IMMP2L: variants seen among roughly 807,000 people sequenced by gnomAD.
The protein encoded by IMMP2L is mitochondrial inner membrane protease subunit 2.
Under a neutral mutation model 19.3 loss-of-function variants are expected in IMMP2L, and 18 were observed. The ratio of observed to expected loss-of-function variants is 0.93; its 90% CI spans 0.64 to 1.38. IMMP2L has a LOEUF of 1.38. Ranked by LOEUF, IMMP2L falls within the 40% of genes most tolerant of loss-of-function variation. The probability of loss-of-function intolerance (pLI) is 0.00; values close to 1 mark genes in which losing one functional copy is unlikely to be tolerated. For missense variants in IMMP2L, 233 were observed against 218.2 expected, an observed-to-expected ratio of 1.07 and a Z score of -0.43; for synonymous variants, 76 against 73.0, an observed-to-expected ratio of 1.04 and a Z score of -0.21.
chr7:110,841,106 T>C (rs1805034375), intron 5 of IMMP2L, among the ~76,000 whole-genome samples: 1 of 152,076 alleles, frequency 6.6e-6, no homozygotes, highest in African/African-American at 2.4e-5. Context: ...ATTTAGATTT[T>C]CAAGCCCTAC....
chr7:110,967,120 G>T (rs1819618427), intron 3 of IMMP2L, among the ~76,000 whole-genome samples: 1 of 152,064 alleles, frequency 6.6e-6, no homozygotes, highest in South Asian at 2.1e-4. Flanking sequence ...GAGGAGCCTA[G>T]AATTGTTTCT....
chr7:111,167,109 G>C (rs1805908355), intron 3 of IMMP2L, among the ~76,000 whole-genome samples: 1 of 151,928 alleles, frequency 6.6e-6, no homozygotes, highest in South Asian at 2.1e-4. Flanking sequence ...ACTTGGCAAT[G>C]TTCTACCATT....
rs551968012 is a variant in IMMP2L, at chr7:111,139,397, G to T, written c.240-175832C>A. 3.3e-5 allele frequency among the ~76,000 whole-genome samples: 5 copies of T among 152,130 alleles called. No homozygotes were observed. The East Asian group carries it at 7.7e-4, about 23-fold the overall frequency. ...TACTGCCAGAGACTGGACTAGATTG[G>T]TATTTCTTTTTGTTCAACAAGTATT... On this transcript the variant is annotated intron_variant, in intron 3 of 5. Transcript: ENST00000405709.
At chr7:111,227,935 G>A (rs1255035335) in intron 3 of IMMP2L, among the ~76,000 whole-genome samples, 1 of 152,044 alleles carries the variant, frequency 6.6e-6, no homozygotes, top group African/African-American at 2.4e-5. Context: ...CTATTAATCT[G>A]TTGTCTCATT....
chr7:111,102,684 T>C (rs1798101370), intron 3 of IMMP2L, among the ~76,000 whole-genome samples: 2 of 151,576 alleles, frequency 1.3e-5, no homozygotes, highest in African/African-American at 4.8e-5. Flanking sequence ...TGAAGTTTCA[T>C]ACCTATCTAA....
chr7:111,466,068 G>C (rs538664746), intron 3 of IMMP2L, among the ~76,000 whole-genome samples: 10 of 151,980 alleles, frequency 6.6e-5, no homozygotes, highest in East Asian at 1.9e-4. Flanking sequence ...GCAAACTATC[G>C]CAAGGACAAA....
chr7:111,151,698 G>C (rs1040043857), intron 3 of IMMP2L, among the ~76,000 whole-genome samples: 1 of 152,268 alleles, frequency 6.6e-6, no homozygotes, highest in African/African-American at 2.4e-5. Context: ...CACCATGTTA[G>C]GAGGCCGAGG....
At chr7:111,210,737 G>T (rs1811220883) in intron 3 of IMMP2L, among the ~76,000 whole-genome samples, 1 of 152,034 alleles carries the variant, frequency 6.6e-6, no homozygotes, top group Admixed American at 6.5e-5. Flanking sequence ...TTAATACCAT[G>T]ATATTAGTAT....
At chr7:110,889,667 C>T (rs534267231) in intron 4 of IMMP2L, among the ~76,000 whole-genome samples, 8 of 152,222 alleles carry the variant, frequency 5.3e-5, no homozygotes, top group African/African-American at 7.2e-5. Flanking sequence ...TGGGCTGAAA[C>T]GAAGGTTAGT....
At chr7:110,950,847 T>TATAC (rs1319923941) in intron 4 of IMMP2L, among the ~76,000 whole-genome samples, 2 of 122,542 alleles carry the variant, frequency 1.6e-5, no homozygotes, top group Non-Finnish European at 3.2e-5. Flanking sequence ...GTGGCATATA[T>TATAC]ATATATATAT....
chr7:111,000,474 TG>T (rs1009496976), intron 3 of IMMP2L, among the ~76,000 whole-genome samples: 1 of 152,144 alleles, frequency 6.6e-6, no homozygotes, highest in Non-Finnish European at 1.5e-5. Flanking sequence ...ATTTGGGTGA[TG>T]GGGGGACTTC....
intron 5 of IMMP2L, among the ~76,000 whole-genome samples, chr7:110,664,231 T>A (rs1791277621): frequency 1.3e-5 from 2 of 151,344 alleles, no homozygotes; most frequent in South Asian, 4.2e-4. Context: ...AATCACAGAG[T>A]CCTAAAAAAT....
At chr7:111,012,208 C>T (rs1039950196) in intron 3 of IMMP2L, among the ~76,000 whole-genome samples, 3 of 152,050 alleles carry the variant, frequency 2.0e-5, no homozygotes, top group East Asian at 3.9e-4. Flanking sequence ...TTTTCATATG[C>T]ACCATTTCTG....
intron 3 of IMMP2L, among the ~76,000 whole-genome samples, chr7:111,291,684 G>A (rs1337292967): frequency 1.3e-5 from 2 of 152,042 alleles, no homozygotes; most frequent in African/African-American, 4.8e-5. Context: ...GTGATCTGAT[G>A]CAAAATGGTG....
At chr7:111,134,663 A>G (rs1802163175) in intron 3 of IMMP2L, among the ~76,000 whole-genome samples, 1 of 152,072 alleles carries the variant, frequency 6.6e-6, no homozygotes, top group African/African-American at 2.4e-5. Context: ...ATGCATTATG[A>G]AAATAGTTAT....
At chr7:111,421,993 CTTG>C (rs1459981917) in intron 3 of IMMP2L, among the ~76,000 whole-genome samples, 3 of 151,764 alleles carry the variant, frequency 2.0e-5, no homozygotes, top group African/African-American at 4.9e-5. Context: ...TTCCCCATTT[CTTG>C]TTGTTTTTGT....
At chr7:111,530,283 T>C (rs1187489761) in intron 1 of IMMP2L, among the ~76,000 whole-genome samples, 4 of 152,212 alleles carry the variant, frequency 2.6e-5, no homozygotes, top group Admixed American at 2.6e-4. Flanking sequence ...AAATAAAGGA[T>C]ATTTCTTCAG....
intron 4 of IMMP2L, among the ~76,000 whole-genome samples, chr7:110,898,309 G>GT (rs113849898): frequency 0.063 from 9,518 of 151,992 alleles, 987 homozygotes; most frequent in African/African-American, 0.22. Flanking sequence ...CCTCCCATTT[G>GT]TTTTTTCCCT....
intron 3 of IMMP2L, among the ~76,000 whole-genome samples, chr7:111,016,917 ATATT>A (rs955546482): frequency 1.1e-5 from 1 of 93,822 alleles, no homozygotes; most frequent in African/African-American, 4.5e-5. Context: ...AATTATATAT[ATATT>A]TATATATACT....
Sources: gnomAD v4.1 joint callset for allele counts (sites outside exome capture counted in the v4.1 genomes callset) on GRCh38, gnomAD v4.1.1 for gene constraint, MANE v1.5 for transcripts, NCBI Gene and HGNC (gene_info 2026-07-23, HGNC 2026-07-21) for gene names.